KYNU: variants seen among roughly 807,000 people sequenced by gnomAD.
The protein encoded by KYNU is L-kynurenine hydrolase.
A neutral mutation model predicts 59.2 loss-of-function variants in KYNU; 54 were observed. The ratio of observed to expected loss-of-function variants is 0.91; its 90% CI spans 0.73 to 1.14. The LOEUF is 1.14. Ranked by LOEUF, KYNU falls within the 50% of genes most tolerant of loss-of-function variation. The pLI, the probability that KYNU is intolerant of heterozygous loss-of-function variation, is 0.00. For synonymous variants in KYNU, 177 were observed against 192.0 expected, an observed-to-expected ratio of 0.92 and a Z score of 0.65; for missense variants, 567 against 554.4, an observed-to-expected ratio of 1.02 and a Z score of -0.23.
chr2:142,931,161 G>A (rs1011779636), intron 4 of KYNU, among the ~76,000 whole-genome samples: 9 of 152,208 alleles, frequency 5.9e-5, no homozygotes, highest in African/African-American at 1.2e-4. Context: ...GACGTAAGTA[G>A]CCTTGCGCCT....
chr2:143,000,322 G>GT (rs1177963315), intron 10 of KYNU, among the ~76,000 whole-genome samples: 1 of 152,068 alleles, frequency 6.6e-6, no homozygotes, highest in Non-Finnish European at 1.5e-5. Context: ...ACAGAAAATT[G>GT]TATTATTTTC....
intron 10 of KYNU, among the ~76,000 whole-genome samples, chr2:142,987,863 G>A (rs1326917575): frequency 6.6e-6 from 1 of 151,844 alleles, no homozygotes; most frequent in African/African-American, 2.4e-5. Flanking sequence ...TCATGATGGT[G>A]AGTTCTTAAT....
intron 3 of KYNU, among the ~76,000 whole-genome samples, chr2:142,926,780 C>CGG (rs1683059063): frequency 6.6e-6 from 1 of 152,100 alleles, no homozygotes; most frequent in Non-Finnish European, 1.5e-5. Flanking sequence ...GCATTACACA[C>CGG]CAGGCTTGGG....
chr2:142,960,561 G>T, intron 7 of KYNU, 63 bp from the exon 8 acceptor site: 4 of 1,469,510 alleles, frequency 2.7e-6, no homozygotes, highest in Non-Finnish European at 1.9e-6. Flanking sequence ...ATTTAGATCG[G>T]CAATATGAAA....
At chr2:142,968,281 A>G (rs775027367) in intron 8 of KYNU, among the ~76,000 whole-genome samples, 9 of 152,250 alleles carry the variant, frequency 5.9e-5, no homozygotes, top group Non-Finnish European at 7.3e-5. Context: ...AGCCAATTAT[A>G]GAATATGGGT....
chr2:143,041,128 T>C (rs1240681422), intron 13 of KYNU, among the ~76,000 whole-genome samples: 1 of 152,088 alleles, frequency 6.6e-6, no homozygotes, highest in Non-Finnish European at 1.5e-5. Context: ...TATACACTTC[T>C]CAGGAGTGGT....
intron 2 of KYNU, among the ~76,000 whole-genome samples, chr2:142,906,345 G>C (rs1410498166): frequency 1.3e-5 from 2 of 152,210 alleles, no homozygotes; most frequent in African/African-American, 4.8e-5. Flanking sequence ...ATTGCATTGT[G>C]GGGTGGTGGG....
At position 143,048,366 on chromosome 2, in the gene KYNU, A is replaced by C. The variant is rs188031620; in HGVS notation, c.*6194A>C. ...TATAACTCTCCTTCTGACTAGTTGA[A>C]GAAATGAGAATGCTTTAACATCAAA... On this transcript the variant is annotated 3_prime_UTR_variant, in exon 14 of 14. Transcript: ENST00000264170. 1.3e-5 allele frequency: 2 copies of C among 152,296 alleles called. No individual in the cohort carries two copies. The highest frequency in any genetic ancestry group is 4.8e-5 in the African/African-American group (2 of 41,572). 9.4% of individuals were successfully genotyped at this position (152,296 alleles called of 1,614,324 possible). A position where few individuals can be genotyped will look rare whatever the true frequency, so the allele number is the denominator to read the frequency against.
intron 2 of KYNU, among the ~76,000 whole-genome samples, chr2:142,912,703 C>CTTTTTTTTTTTTTT (rs1163302368): frequency 5.6e-5 from 4 of 71,836 alleles, no homozygotes; most frequent in Admixed American, 2.0e-4. Context: ...TTCTTTCTTC[C>CTTTTTTTTTTTTTT]TTTTTTTTTT....
rs551020607 is a variant in KYNU, at chr2:143,006,125, T to A, written c.902+20104T>A. 6.1e-3 allele frequency among the ~76,000 whole-genome samples: 930 copies of A among 152,248 alleles called. 12 individuals carry two copies. Among genetic ancestry groups the A allele is most frequent in the African/African-American group, 0.021 (889 of 41,562 alleles). ...AGCAACGCAGAAGACGGGTGATTTC[T>A]GCATTTCCATCTGAGGTACCGGGTT... On this transcript the variant is annotated intron_variant, in intron 10 of 13. Transcript: ENST00000264170.
At chr2:142,917,070 C>A (rs1682688494) in intron 2 of KYNU, among the ~76,000 whole-genome samples, 1 of 152,056 alleles carries the variant, frequency 6.6e-6, no homozygotes, top group Non-Finnish European at 1.5e-5. Flanking sequence ...ACTAAACCCA[C>A]AATATGCTAA....
At chr2:142,978,603 A>G (rs992303408) in intron 8 of KYNU, among the ~76,000 whole-genome samples, 1 of 152,150 alleles carries the variant, frequency 6.6e-6, no homozygotes, top group African/African-American at 2.4e-5. Context: ...CCTAGCAGTG[A>G]ACATTCACAG....
chr2:142,918,572 A>ATTT (rs35434351), intron 2 of KYNU, 37 bp from the exon 3 acceptor site: 34 of 1,310,756 alleles, frequency 2.6e-5, no homozygotes, highest in South Asian at 2.9e-5. Flanking sequence ...AAAAGCTTTT[A>ATTT]TTTTTTTTTT....
In KYNU at chr2:142,885,592, C is replaced by A. The variant is rs72849117; in HGVS notation, c.169+56C>A. 10,121 of 1,365,166 alleles carry A rather than the reference C, an allele frequency of 7.4e-3. 49 individuals are homozygous for A. Among genetic ancestry groups the A allele is most frequent in the Non-Finnish European group, 9.9e-3 (9,645 of 978,940 alleles). The allele number at this position is 1,365,166 out of a possible 1,614,324, so 84.6% of individuals were successfully genotyped here. On this transcript the variant is annotated intron_variant, in intron 2 of 13. Coordinates refer to ENST00000264170, the MANE Select transcript of KYNU (RefSeq NM_003937.3). Reference sequence around the variant, plus strand: ...ATTTATTTATTTATTTTTGCTACTGCATGTGTTTATTATAATCTTTGAAAA... The same window carrying A: ...ATTTATTTATTTATTTTTGCTACTGAATGTGTTTATTATAATCTTTGAAAA...
intron 10 of KYNU, chr2:142,988,938 A>C: frequency 6.7e-7 from 1 of 1,501,666 alleles, no homozygotes; most frequent in Non-Finnish European, 9.3e-7. Flanking sequence ...TGTCCCTGAT[A>C]GGAAAAGAAA....
chr2:142,994,599 GT>G (rs370157383), intron 10 of KYNU, among the ~76,000 whole-genome samples: 1 of 151,978 alleles, frequency 6.6e-6, no homozygotes, highest in African/African-American at 2.4e-5. Context: ...GTGGCACTAT[GT>G]TTTTTAAGGG....
At chr2:142,990,390 C>T (rs10496938) in intron 10 of KYNU, among the ~76,000 whole-genome samples, 5,517 of 151,896 alleles carry the variant, frequency 0.036, 134 homozygotes, top group Non-Finnish European at 0.051. Flanking sequence ...TCATGGCACA[C>T]TTTAGAGGAC....
chr2:142,905,569 G>A (rs1298046386), intron 2 of KYNU, among the ~76,000 whole-genome samples: 3 of 152,168 alleles, frequency 2.0e-5, no homozygotes, highest in Non-Finnish European at 2.9e-5. Flanking sequence ...TTAAATCACC[G>A]TTTTCTAATA....
intron 2 of KYNU, among the ~76,000 whole-genome samples, chr2:142,886,441 T>C (rs191297183): frequency 6.6e-6 from 1 of 152,262 alleles, no homozygotes; most frequent in East Asian, 1.9e-4. Context: ...CAACAACCTA[T>C]AGAATTCTGG....
Sources: gnomAD v4.1 joint callset for allele counts (sites outside exome capture counted in the v4.1 genomes callset) on GRCh38, gnomAD v4.1.1 for gene constraint, MANE v1.5 for transcripts, NCBI Gene and HGNC (gene_info 2026-07-23, HGNC 2026-07-21) for gene names.